The following PARD3B variants were observed in gnomAD, a reference collection of about 807,000 sequenced individuals.
PARD3B encodes the protein par-3 family cell polarity regulator beta.
In PARD3B, 103 loss-of-function variants were observed where a neutral mutation model predicts 130.2. That is an observed-to-expected ratio of 0.79 (90% CI 0.67 to 0.93). The LOEUF (loss-of-function observed/expected upper bound fraction) is 0.93. PARD3B is among the 40% of genes least tolerant of loss of function. The pLI is 0.00. For missense variants in PARD3B, 1,609 were observed against 1,499.2 expected (o/e 1.07, Z -1.21); for synonymous variants, 583 against 553.2 (o/e 1.05, Z -0.76).
At chr2:205,445,444 T>G (rs185569826) in intron 20 of PARD3B, among the ~76,000 whole-genome samples, 6 of 152,220 alleles carry the variant, frequency 3.9e-5, no homozygotes, top group Admixed American at 3.3e-4. Context: ...TCCACAAACT[T>G]TCAATCGTGG....
At chr2:204,902,506 A>G (rs982114376) in intron 2 of PARD3B, among the ~76,000 whole-genome samples, 2 of 152,000 alleles carry the variant, frequency 1.3e-5, no homozygotes, top group African/African-American at 4.8e-5. Context: ...CGTCTCTGCT[A>G]AAAATACAAA....
intron 21 of PARD3B, among the ~76,000 whole-genome samples, chr2:205,519,891 GTGGCACTTAGGCT>G (rs2050961868): frequency 6.6e-6 from 1 of 152,126 alleles, no homozygotes; most frequent in African/African-American, 2.4e-5. Flanking sequence ...GATCCAGTAG[GTGGCACTTAGGCT>G]TATTAGTCAG....
At chr2:204,981,522 G>A (rs556059340) in intron 3 of PARD3B, among the ~76,000 whole-genome samples, 1 of 152,118 alleles carries the variant, frequency 6.6e-6, no homozygotes, top group Non-Finnish European at 1.5e-5. Context: ...AGCATATGTG[G>A]CTATAAAAAA....
At chr2:204,694,439 G>T (rs1559065956) in intron 2 of PARD3B, among the ~76,000 whole-genome samples, 1 of 151,990 alleles carries the variant, frequency 6.6e-6, no homozygotes, top group Non-Finnish European at 1.5e-5. Flanking sequence ...GGACTGGGAT[G>T]ATTGTTTAAA....
chr2:205,251,537 G>T (rs1318626884), intron 16 of PARD3B, among the ~76,000 whole-genome samples: 4 of 152,090 alleles, frequency 2.6e-5, no homozygotes, highest in African/African-American at 9.7e-5. Context: ...AAACCATAGG[G>T]TGATTGGATA....
At chr2:205,092,047 A>G (rs1702144295) in intron 4 of PARD3B, among the ~76,000 whole-genome samples, 1 of 152,132 alleles carries the variant, frequency 6.6e-6, no homozygotes, top group Non-Finnish European at 1.5e-5. Flanking sequence ...TTTGCTTTTG[A>G]TTACAGAGTT....
intron 1 of PARD3B, among the ~76,000 whole-genome samples, chr2:204,653,496 A>C (rs1379630962): frequency 6.6e-6 from 1 of 150,974 alleles, no homozygotes; most frequent in Non-Finnish European, 1.5e-5. Context: ...AGTCTTAAAA[A>C]AAATGTTGAA....
At position 204,875,817 on chromosome 2, in the gene PARD3B, T is replaced by G. The variant is rs1056973882; in HGVS notation, c.223-89335T>G. ...GATTAAGAAGGCGGCCCTAAAAATC[T>G]TACAGTATGTCATTGGTTTGTTGAT... is the stretch of plus-strand genomic sequence containing the variant. On this transcript the variant is annotated intron_variant, in intron 2 of 22. Coordinates refer to ENST00000406610, the MANE Select transcript of PARD3B (RefSeq NM_001302769.2). 1.4e-4 allele frequency among the ~76,000 whole-genome samples: 22 copies of G among 152,314 alleles called. No homozygotes were observed. The Middle Eastern group carries it at 0.01, about 71-fold the overall frequency.
At chr2:205,385,682 T>C (rs1436064244) in intron 18 of PARD3B, among the ~76,000 whole-genome samples, 1 of 152,184 alleles carries the variant, frequency 6.6e-6, no homozygotes, top group Admixed American at 6.6e-5. Flanking sequence ...AGCCCCATGC[T>C]GTCTGTGTCA....
At chr2:204,902,222 A>T (rs991011614) in intron 2 of PARD3B, among the ~76,000 whole-genome samples, 6 of 152,194 alleles carry the variant, frequency 3.9e-5, no homozygotes, top group African/African-American at 1.4e-4. Context: ...GCTGTTGGAA[A>T]TTTAAGGTTT....
At chr2:205,168,468 A>G (rs1437270146) in intron 11 of PARD3B, among the ~76,000 whole-genome samples, 2 of 152,194 alleles carry the variant, frequency 1.3e-5, no homozygotes, top group African/African-American at 4.8e-5. Context: ...AGAATTTAAT[A>G]TTAATTTTAA....
chr2:205,313,569 A>G (rs2042463236), intron 18 of PARD3B, among the ~76,000 whole-genome samples: 1 of 152,200 alleles, frequency 6.6e-6, no homozygotes, highest in Non-Finnish European at 1.5e-5. Context: ...TGATTTTGTC[A>G]TACTTATCAC....
At chr2:205,500,332 T>C (rs949487150) in intron 21 of PARD3B, among the ~76,000 whole-genome samples, 5 of 152,170 alleles carry the variant, frequency 3.3e-5, no homozygotes, top group Admixed American at 1.3e-4. Context: ...TTTGTCACCA[T>C]CCACTGAGCT....
intron 2 of PARD3B, among the ~76,000 whole-genome samples, chr2:204,825,507 C>T (rs1247905500): frequency 6.6e-6 from 1 of 152,172 alleles, no homozygotes; most frequent in Non-Finnish European, 1.5e-5. Context: ...CGACTTTCTT[C>T]ATAGGAGCTT....
intron 2 of PARD3B, among the ~76,000 whole-genome samples, chr2:204,897,082 C>T (rs2046665469): frequency 1.3e-5 from 2 of 151,802 alleles, no homozygotes; most frequent in South Asian, 2.1e-4. Context: ...AGTGTTTTTC[C>T]CTTATGTTGT....
intron 18 of PARD3B, among the ~76,000 whole-genome samples, chr2:205,376,460 A>T (rs2045058221): frequency 6.9e-6 from 1 of 144,278 alleles, no homozygotes; most frequent in African/African-American, 2.5e-5. Flanking sequence ...ATGTCTGAGG[A>T]TGGGAGAAGC....
At chr2:204,836,244 A>G (rs1426580005) in intron 2 of PARD3B, among the ~76,000 whole-genome samples, 1 of 152,198 alleles carries the variant, frequency 6.6e-6, no homozygotes, top group Non-Finnish European at 1.5e-5. Context: ...AATGTTTTAC[A>G]GGAGAATTTT....
chr2:205,540,050 A>G (rs530002805), intron 21 of PARD3B, among the ~76,000 whole-genome samples: 5 of 152,310 alleles, frequency 3.3e-5, no homozygotes, highest in East Asian at 1.9e-4. Context: ...TAGAAACCCA[A>G]CTAACCACGG....
At chr2:205,432,964 T>C (rs1034206461) in intron 19 of PARD3B, among the ~76,000 whole-genome samples, 2 of 152,180 alleles carry the variant, frequency 1.3e-5, no homozygotes, top group African/African-American at 4.8e-5. Flanking sequence ...AGACAGCTTG[T>C]TTTACATCTA....
Sources: gnomAD v4.1 joint callset for allele counts (sites outside exome capture counted in the v4.1 genomes callset) on GRCh38, gnomAD v4.1.1 for gene constraint, MANE v1.5 for transcripts, NCBI Gene and HGNC (gene_info 2026-07-23, HGNC 2026-07-21) for gene names.